The following CSMD3 variants were observed in gnomAD, a reference collection of about 807,000 sequenced individuals.
The protein encoded by CSMD3 is CUB and Sushi multiple domains 3.
In CSMD3, 177 loss-of-function variants were observed where a neutral mutation model predicts 435.2. The observed-to-expected ratio is 0.41, with a 90% CI of 0.36 to 0.46. The LOEUF is 0.46. Ranked by LOEUF, CSMD3 falls within the 20% of genes least tolerant of loss-of-function variation. The pLI, the probability that CSMD3 is intolerant of heterozygous loss-of-function variation, is 0.34. For synonymous variants in CSMD3, 1,656 were observed against 1,520.5 expected (o/e 1.09, Z -2.07); for missense variants, 4,265 against 4,504.6 (o/e 0.95, Z 1.52).
intron 13 of CSMD3, among the ~76,000 whole-genome samples, chr8:112,744,642 T>C (rs2077387907): frequency 6.6e-6 from 1 of 152,014 alleles, no homozygotes; most frequent in South Asian, 2.1e-4. Flanking sequence ...CTTTCTTATT[T>C]AGGCAGTTAT....
At chr8:112,553,100 C>A (rs1047430888) in intron 25 of CSMD3, among the ~76,000 whole-genome samples, 1 of 152,078 alleles carries the variant, frequency 6.6e-6, no homozygotes, top group Non-Finnish European at 1.5e-5. Context: ...CATCTTGCTA[C>A]CCCGCCTTTG....
chr8:112,980,621 A>AT (rs373410291), intron 6 of CSMD3, among the ~76,000 whole-genome samples: 1 of 151,338 alleles, frequency 6.6e-6, no homozygotes, highest in African/African-American at 2.4e-5. Flanking sequence ...AATGTTTGTT[A>AT]TTTTTTTCTT....
At chr8:112,375,587 T>A (rs1218968601) in intron 38 of CSMD3, among the ~76,000 whole-genome samples, 2 of 152,102 alleles carry the variant, frequency 1.3e-5, no homozygotes, top group Non-Finnish European at 2.9e-5. Context: ...TCTCATTTAT[T>A]AAAAATAAGA....
chr8:113,283,405 T>C (rs1256914795), intron 2 of CSMD3, among the ~76,000 whole-genome samples: 1 of 151,552 alleles, frequency 6.6e-6, no homozygotes, highest in East Asian at 1.9e-4. Context: ...AAAAATCCCA[T>C]CAAAAAGTGG....
chr8:112,517,268 A>G (rs1823772626), intron 27 of CSMD3, 43 bp from the exon 28 acceptor site: 1 of 1,443,842 alleles, frequency 6.9e-7, no homozygotes, highest in East Asian at 2.3e-5. Context: ...GATAACTACC[A>G]AAATCAATTT....
intron 59 of CSMD3, among the ~76,000 whole-genome samples, chr8:112,277,925 A>G (rs1241092851): frequency 1.3e-5 from 2 of 152,094 alleles, no homozygotes; most frequent in Non-Finnish European, 2.9e-5. Context: ...CCCACAACAC[A>G]TGGGAATTAT....
chr8:112,688,759 T>C (rs2076067705), intron 14 of CSMD3, among the ~76,000 whole-genome samples: 1 of 152,066 alleles, frequency 6.6e-6, no homozygotes, highest in Non-Finnish European at 1.5e-5. Flanking sequence ...TACATTTTTA[T>C]CATATATCAG....
chr8:112,887,101 C>G (rs965565876), intron 10 of CSMD3, among the ~76,000 whole-genome samples: 1 of 151,270 alleles, frequency 6.6e-6, no homozygotes, highest in Admixed American at 6.6e-5. Flanking sequence ...GGTAAAATAG[C>G]ACTTCATAGG....
chr8:113,173,640 C>T (rs1247599610), intron 4 of CSMD3, 82 bp downstream of exon 4: 20 of 1,135,760 alleles, frequency 1.8e-5, no homozygotes, highest in East Asian at 2.4e-5. Context: ...CTTTAGATTC[C>T]GTAGAAGAAA....
intron 23 of CSMD3, among the ~76,000 whole-genome samples, chr8:112,581,639 T>G (rs1255026644): frequency 6.6e-6 from 1 of 152,090 alleles, no homozygotes; most frequent in East Asian, 1.9e-4. Flanking sequence ...AGAATGTTTA[T>G]GGAGCATTTA....
intron 9 of CSMD3, among the ~76,000 whole-genome samples, chr8:112,938,919 T>C (rs1266917223): frequency 6.6e-6 from 1 of 152,162 alleles, no homozygotes; most frequent in African/African-American, 2.4e-5. Flanking sequence ...GTGAGTTTAC[T>C]CATTAGTAAA....
intron 29 of CSMD3, among the ~76,000 whole-genome samples, chr8:112,504,600 A>G (rs1822316078): frequency 6.6e-6 from 1 of 152,090 alleles, no homozygotes; most frequent in Non-Finnish European, 1.5e-5. Context: ...TTTAAAACCT[A>G]ATGTAGGAGA....
chr8:112,299,030 T>C (rs1820639082), intron 53 of CSMD3, among the ~76,000 whole-genome samples: 1 of 151,942 alleles, frequency 6.6e-6, no homozygotes, highest in African/African-American at 2.4e-5. Context: ...TATTGAGCAA[T>C]AAAAGGAACA....
intron 37 of CSMD3, among the ~76,000 whole-genome samples, chr8:112,382,337 C>T (rs1178422535): frequency 6.7e-6 from 1 of 149,420 alleles, no homozygotes; most frequent in Non-Finnish European, 1.5e-5. Context: ...AGTATTACCC[C>T]TAACCTATTA....
intron 32 of CSMD3, among the ~76,000 whole-genome samples, chr8:112,437,605 A>G (rs570165325): frequency 1.4e-4 from 21 of 152,196 alleles, no homozygotes; most frequent in African/African-American, 5.1e-4. Context: ...ATATACACAG[A>G]TCTGAATTAT....
In CSMD3 at chr8:113,173,922, AAAAAGGAGG is replaced by A. The variant is rs2092308890; in HGVS notation, c.515-15_515-7del. 2 of 1,603,928 alleles carry A rather than the reference AAAAAGGAGG, an allele frequency of 1.2e-6. No individual in the cohort carries two copies. The highest frequency in any genetic ancestry group is 1.7e-6 in the Non-Finnish European group (2 of 1,170,754). On this transcript the variant is annotated splice_polypyrimidine_tract_variant and splice_region_variant and intron_variant, in intron 3 of 70. Coordinates refer to ENST00000297405, the MANE Select transcript of CSMD3 (RefSeq NM_198123.2). ...ACAAGAGCTACTCTGCAATTCTATT[AAAAAGGAGG>A]AAAAGGAGAGTTTACAGTTATTTCA...
rs140562877 is a variant in CSMD3 at position 112,770,165 on chromosome 8, C to T, written c.1972+29997G>A. Among the ~76,000 whole-genome samples the T allele has an allele frequency of 5.5e-4, 84 of 152,084 alleles. 2 individuals are homozygous for T. In the East Asian group the frequency reaches 0.01, roughly 18 times the overall value. The stretch of plus-strand genomic sequence containing the variant: ...AGCTCATACAACTCGTTGGCTCCAT[C>T]AAGTAAACTGTTGCTATGTTTTGAA... On this transcript the variant is annotated intron_variant, in intron 13 of 70. Transcript: ENST00000297405.
rs190110317 is a variant in CSMD3, at chr8:113,271,371, T to C, written c.514+7221A>G. Among the ~76,000 whole-genome samples the C allele has an allele frequency of 1.6e-4, 24 of 152,078 alleles. No individual in the cohort carries two copies. In the East Asian group the frequency reaches 3.9e-3, roughly 25 times the overall value. On this transcript the variant is annotated intron_variant, in intron 3 of 70. Transcript: ENST00000297405. ...GGAAGCCTAGGAGAAAAAAACGGTT[T>C]CTTTGACTGGGCCCAGGGTCCTCAT...
chr8:112,503,591 A>C (rs1371724893), intron 30 of CSMD3, among the ~76,000 whole-genome samples, 199 bp downstream of exon 30: 1 of 152,162 alleles, frequency 6.6e-6, no homozygotes, highest in Non-Finnish European at 1.5e-5. Flanking sequence ...CTTTGGTAGT[A>C]ATTAGAGAAA....
Sources: allele counts gnomAD v4.1 joint callset (sites outside exome capture counted in the v4.1 genomes callset), GRCh38; gene constraint gnomAD v4.1.1; transcripts MANE v1.5; gene names NCBI Gene and HGNC (gene_info 2026-07-23, HGNC 2026-07-21).